SLC5A2: variants seen among roughly 807,000 people sequenced by gnomAD.
The protein encoded by SLC5A2 is solute carrier family 5 member 2.
Under a neutral mutation model 69.0 loss-of-function variants are expected in SLC5A2, and 67 were observed. That is an observed-to-expected ratio of 0.97 (90% CI 0.80 to 1.19). The LOEUF (loss-of-function observed/expected upper bound fraction) is 1.19, where lower values mean the gene tolerates loss of function less well. Among genes scored for constraint, SLC5A2 ranks in the 50% most tolerant of loss-of-function variants. SLC5A2 has a pLI of 0.00. For synonymous variants in SLC5A2, 455 were observed against 395.8 expected (o/e 1.15, Z -1.78); for missense variants, 1,001 against 921.5 (o/e 1.09, Z -1.12).
At chr16:31,487,789 G>A in intron 7 of SLC5A2, 30 bp downstream of exon 7, 2 of 1,578,110 alleles carry the variant, frequency 1.3e-6, no homozygotes, top group South Asian at 1.1e-5. Flanking sequence ...CCTGCAGTGA[G>A]GCCGGGGCGG....
At chr16:31,485,066 G>A in intron 3 of SLC5A2, 143 bp downstream of exon 3, 2 of 796,846 alleles carry the variant, frequency 2.5e-6, no homozygotes, top group Admixed American at 4.0e-5. Flanking sequence ...GGGAGTGGAG[G>A]TCATACATCT....
At chr16:31,487,211 T>G in intron 5 of SLC5A2, 109 bp from the exon 6 acceptor site, 1 of 1,078,858 alleles carries the variant, frequency 9.3e-7, no homozygotes, top group Non-Finnish European at 1.4e-6. Flanking sequence ...TTTTGAAATT[T>G]ATTCTCCAGG....
rs748536340 is a variant in SLC5A2 at position 31,490,421 on chromosome 16, A to G, written c.1905A>G (p.Ala635=). ...CCCTTACCCAGGAGGAGGCAGCGGC[A>G]GCAGCCAGGCGGCTGGAGGACATCA... The part of the protein sequence containing the change: ...PPPLTQEEAA[A]AARRLEDISE... Residue 635 remains alanine (A), a synonymous_variant, in exon 14 of 14, where the codon GCA becomes GCG. Transcript: ENST00000330498. The G allele has an allele frequency of 6.2e-7, 1 of 1,613,756 alleles. No homozygotes were observed. Among genetic ancestry groups the G allele is most frequent in the Non-Finnish European group, 8.5e-7 (1 of 1,179,946 alleles).
At chr16:31,488,307 A>G in intron 8 of SLC5A2, 76 bp from the exon 9 acceptor site, 2 of 1,597,546 alleles carry the variant, frequency 1.3e-6, no homozygotes, top group East Asian at 4.5e-5. Context: ...CTCCTCTGCT[A>G]GGATTCCCAG....
rs1381476265 is a variant in SLC5A2, at chr16:31,488,580, A to T, written c.1130-42A>T. 5 of 1,608,788 alleles carry T rather than the reference A, an allele frequency of 3.1e-6. No homozygotes were observed. In the Admixed American group the frequency reaches 8.4e-5, roughly 27 times the overall value. ...CCTCGCGCAGCTGCAGCCGCCCTGG[A>T]CCCCCAGTGGCCCCAGCCTCACGGC... On this transcript the variant is annotated intron_variant, in intron 9 of 13. Coordinates refer to ENST00000330498, the MANE Select transcript of SLC5A2 (RefSeq NM_003041.4).
intron 3 of SLC5A2, 45 bp downstream of exon 3, chr16:31,484,968 C>T (rs752567559): frequency 7.1e-5 from 109 of 1,530,218 alleles, no homozygotes; most frequent in African/African-American, 1.4e-5. Context: ...AGTGAGAACA[C>T]CTGGAAGGGT....
Position 31,490,170 on chromosome 16 carries a change from C to G in SLC5A2, c.1732C>G (p.Gln578Glu), listed in dbSNP as rs778838521. The G allele has an allele frequency of 1.9e-6, 3 of 1,614,108 alleles. No individual in the cohort carries two copies. The South Asian group carries it at 3.3e-5, about 18-fold the overall frequency. ...EEREDLDADE[Q>E]QGSSLPVQNG... ...ACGGGAGGACCTGGATGCTGATGAG[C>G]AGCAAGGCTCCTCACTCCCTGTACA... Residue 578 changes from glutamine to glutamate, a missense_variant, in exon 13 of 14, where the codon CAG becomes GAG. Coordinates refer to ENST00000330498, the MANE Select transcript of SLC5A2 (RefSeq NM_003041.4).
At chr16:31,485,682 A>G in intron 3 of SLC5A2, 47 bp from the exon 4 acceptor site, 2 of 1,605,664 alleles carry the variant, frequency 1.2e-6, no homozygotes, top group South Asian at 1.1e-5. Context: ...TCAGATCCTC[A>G]GGGATGAGGG....
Position 31,490,630 on chromosome 16 carries a change from G to A in SLC5A2, c.*95G>A, listed in dbSNP as rs966660737. On this transcript the variant is annotated 3_prime_UTR_variant, in exon 14 of 14. Coordinates refer to ENST00000330498, the MANE Select transcript of SLC5A2 (RefSeq NM_003041.4). ...CCAGAAAAGGGGAAGGGGCAGTGGG[G>A]TGAGAAGGTCCTGGCTCCCCTTCTC... 4 of 1,190,116 alleles carry A rather than the reference G, an allele frequency of 3.4e-6. No homozygotes were observed. In the South Asian group the frequency reaches 3.9e-5, roughly 11 times the overall value. 73.7% of individuals were successfully genotyped at this position (1,190,116 alleles called of 1,614,324 possible).
Position 31,488,881 on chromosome 16 carries a change from C to T in SLC5A2, c.1282C>T (p.Leu428Phe), listed in dbSNP as rs2082527538. Reference protein sequence around the residue: ...GDRELLLVGRLWVVFIVVVSV... With the variant: ...GDRELLLVGRFWVVFIVVVSV... ...TCGATCCGACGGCCTCCGCCGCAGG[C>T]TCTGGGTGGTGTTCATCGTGGTAGT... Residue 428 changes from leucine to phenylalanine, a missense_variant and splice_region_variant, in exon 11 of 14, where the codon CTC becomes TTC. Leu to Phe is a conservative substitution (Grantham distance 22, BLOSUM62 0). Coordinates refer to ENST00000330498, the MANE Select transcript of SLC5A2 (RefSeq NM_003041.4). 1 of 1,605,202 alleles carries T rather than the reference C, an allele frequency of 6.2e-7. No individual in the cohort carries two copies. The highest frequency in any genetic ancestry group is 1.1e-5 in the South Asian group (1 of 91,076).
rs375005036 is a variant in SLC5A2, at chr16:31,485,604, T to A, written c.304-125T>A. The stretch of plus-strand genomic sequence containing the variant: ...GGGCCCCGGGGCCATCACCTGCAGT[T>A]GTCCTCTGGGCCCCAGATGTGGCCC... On this transcript the variant is annotated intron_variant, in intron 3 of 13. Coordinates refer to ENST00000330498, the MANE Select transcript of SLC5A2 (RefSeq NM_003041.4). 753 of 1,197,856 alleles carry A rather than the reference T, an allele frequency of 6.3e-4. 2 individuals are homozygous for A. In the African/African-American group the frequency reaches 9.8e-3, roughly 16 times the overall value. The allele number at this position is 1,197,856 out of a possible 1,614,324, so 74.2% of individuals were successfully genotyped here. A position where few individuals can be genotyped will look rare whatever the true frequency, so the allele number is the denominator to read the frequency against.
chr16:31,488,015 G>A (rs761450261), intron 7 of SLC5A2, 23 bp from the exon 8 acceptor site: 53 of 1,610,996 alleles, frequency 3.3e-5, no homozygotes, highest in Admixed American at 5.0e-5. Flanking sequence ...CCGCAAGCGG[G>A]CAGCTGAACG....
intron 3 of SLC5A2, 102 bp downstream of exon 3, chr16:31,485,025 G>A (rs3813006): frequency 9.3e-7 from 1 of 1,071,708 alleles, no homozygotes; most frequent in Admixed American, 2.0e-5. Context: ...ACTGGCAGTG[G>A]GACTTCCCAA....
rs1472229300 is a variant in SLC5A2 at position 31,487,523 on chromosome 16, C to A, written c.656-7C>A. On this transcript the variant is annotated splice_polypyrimidine_tract_variant and splice_region_variant and intron_variant, in intron 6 of 13. Transcript: ENST00000330498. The stretch of plus-strand genomic sequence containing the variant: ...AAGGAGGGTCCCCTGACGGCCTTGC[C>A]CGGCAGCCTTCCACGAGGTGGGCGG... 1 of 1,613,694 alleles carries A rather than the reference C, an allele frequency of 6.2e-7. No homozygotes were observed.
At chr16:31,487,491 G>A (rs371659276) in intron 6 of SLC5A2, 39 bp from the exon 7 acceptor site, 1 of 1,611,946 alleles carries the variant, frequency 6.2e-7, no homozygotes, top group East Asian at 2.2e-5. Flanking sequence ...TCCGGTCTGA[G>A]GGTCCTAAGG....
chr16:31,488,968 C>A lies in SLC5A2; in HGVS notation c.1369C>A (p.Gln457Lys). ...AQGGQLFDYI[Q>K]AVSSYLAPPV... ...GGGCGGGCAGCTCTTCGATTACATC[C>A]AGGCAGTCTCTAGCTACCTGGCACC... The change falls in exon 11 of 14, where the codon CAG becomes AAG. Residue 457 changes from glutamine to lysine, a missense_variant. Transcript: ENST00000330498. 6.2e-7 allele frequency: 1 copy of A among 1,602,332 alleles called. No individual in the cohort carries two copies. The highest frequency in any genetic ancestry group is 8.5e-7 in the Non-Finnish European group (1 of 1,179,876).
rs766094285 is a variant in SLC5A2, at chr16:31,488,733, G to T, written c.1241G>T (p.Arg414Leu). Reference protein sequence around the residue: ...LFTMDIYTRLRPRAGDRELLL... With the variant: ...LFTMDIYTRLLPRAGDRELLL... ...ACCATGGACATCTACACGCGCCTGC[G>T]GCCACGCGCCGGCGACCGCGAGCTG... Residue 414 changes from arginine to leucine, a missense_variant, in exon 10 of 14, where the codon CGG (arginine) becomes CTG (leucine). By Grantham distance (102) the Arg-to-Leu change is moderately radical. Coordinates refer to ENST00000330498, the MANE Select transcript of SLC5A2 (RefSeq NM_003041.4). 1.9e-6 allele frequency: 3 copies of T among 1,610,270 alleles called. No homozygotes were observed. The highest frequency in any genetic ancestry group is 2.5e-6 in the Non-Finnish European group (3 of 1,178,676).
intron 4 of SLC5A2, 43 bp from the exon 5 acceptor site, chr16:31,486,127 A>G: frequency 6.8e-7 from 1 of 1,468,132 alleles, no homozygotes; most frequent in Non-Finnish European, 9.6e-7. Context: ...TGGGCTGGGG[A>G]CACTGCCCTG....
At chr16:31,484,351 G>A (rs2082478365) in intron 1 of SLC5A2, among the ~76,000 whole-genome samples, 1 of 151,282 alleles carries the variant, frequency 6.6e-6, no homozygotes, top group Non-Finnish European at 1.5e-5. Context: ...AACCTGGGAG[G>A]TGGAGGTTGT....
Sources: gnomAD v4.1 joint callset for allele counts (sites outside exome capture counted in the v4.1 genomes callset) on GRCh38, gnomAD v4.1.1 for gene constraint, MANE v1.5 for transcripts, NCBI Gene and HGNC (gene_info 2026-07-23, HGNC 2026-07-21) for gene names.